Variants in NRG1 observed in about 807,000 individuals in gnomAD.
NRG1 encodes the protein neuregulin 1.
Under a neutral mutation model 63.8 loss-of-function variants are expected in NRG1, and 18 were observed. The observed-to-expected ratio is 0.28, with a 90% CI of 0.19 to 0.42. The LOEUF (loss-of-function observed/expected upper bound fraction) is 0.42, where lower values mean the gene tolerates loss of function less well. Among genes scored for constraint, NRG1 ranks in the 10% least tolerant of loss-of-function variants. NRG1 has a pLI of 1.00. For missense variants in NRG1, 762 were observed against 814.7 expected (o/e 0.94, Z 0.79); for synonymous variants, 302 against 301.3 (o/e 1.00, Z -0.02).
At chr8:31,799,690 A>G (rs1335634389) in intron 1 of NRG1, among the ~76,000 whole-genome samples, 1 of 151,904 alleles carries the variant, frequency 6.6e-6, no homozygotes, top group Non-Finnish European at 1.5e-5. Flanking sequence ...TCTATTAGCC[A>G]TTTCTATTTT....
chr8:32,503,488 A>T (rs1196746488), intron 1 of NRG1, among the ~76,000 whole-genome samples: 1 of 152,162 alleles, frequency 6.6e-6, no homozygotes, highest in African/African-American at 2.4e-5. Flanking sequence ...ACTATAAAAC[A>T]GTTATTGTTG....
intron 1 of NRG1, among the ~76,000 whole-genome samples, chr8:32,358,807 A>G (rs1307910048): frequency 6.6e-6 from 1 of 152,192 alleles, no homozygotes; most frequent in Non-Finnish European, 1.5e-5. Context: ...GGAGAGGGCC[A>G]AAGACAGAAC....
At chr8:32,748,541 C>T in intron 7 of NRG1, 1 of 231,114 alleles carries the variant, frequency 4.3e-6, no homozygotes, top group Non-Finnish European at 8.8e-6. Context: ...AATGGAGCCT[C>T]TGCAGGTTCT....
chr8:32,397,947 A>G (rs921562517), intron 1 of NRG1, among the ~76,000 whole-genome samples: 6 of 152,190 alleles, frequency 3.9e-5, no homozygotes, highest in African/African-American at 1.4e-4. Context: ...TCCAAACTGC[A>G]CACTTATTGT....
chr8:31,639,995 G>C lies in NRG1; in HGVS notation c.37+564G>C, dbSNP rs367543150. The C allele has an allele frequency of 4.5e-4, 504 of 1,124,842 alleles. No homozygotes were observed. In the Middle Eastern group the frequency reaches 4.7e-3, roughly 11 times the overall value. 69.7% of individuals were successfully genotyped at this position (1,124,842 alleles called of 1,614,324 possible). On this transcript the variant is annotated intron_variant, in intron 1 of 10. Transcript: ENST00000519301. ...CACGCACCTCGCACCATGAGATGGC[G>C]ACGCGCCCCGCGCCGCTCCGGGCGT...
chr8:31,661,095 A>G (rs1007865439), intron 1 of NRG1, among the ~76,000 whole-genome samples: 1 of 152,196 alleles, frequency 6.6e-6, no homozygotes, highest in Non-Finnish European at 1.5e-5. Context: ...TTTATATAAT[A>G]TGGTCTTTTT....
At chr8:32,176,219 A>C (rs1002111949) in intron 1 of NRG1, among the ~76,000 whole-genome samples, 4 of 152,168 alleles carry the variant, frequency 2.6e-5, no homozygotes, top group African/African-American at 7.2e-5. Context: ...GAAAAACAAG[A>C]AATGGGGAAA....
At chr8:32,117,766 C>T (rs1832925407) in intron 1 of NRG1, among the ~76,000 whole-genome samples, 1 of 152,038 alleles carries the variant, frequency 6.6e-6, no homozygotes, top group Non-Finnish European at 1.5e-5. Context: ...ATAATCTTAA[C>T]CTGGTTCTTT....
At chr8:32,294,301 A>C (rs1282694314) in intron 1 of NRG1, among the ~76,000 whole-genome samples, 3 of 151,978 alleles carry the variant, frequency 2.0e-5, no homozygotes, top group Non-Finnish European at 4.4e-5. Context: ...CTAGTAATTA[A>C]GATTTTAAGC....
intron 1 of NRG1, among the ~76,000 whole-genome samples, chr8:32,012,940 T>C (rs893359824): frequency 1.3e-5 from 2 of 152,050 alleles, no homozygotes; most frequent in Non-Finnish European, 2.9e-5. Flanking sequence ...GCATCCACCA[T>C]GGAGAGAAGT....
chr8:31,878,002 A>G (rs969980147), intron 1 of NRG1, among the ~76,000 whole-genome samples: 3 of 152,212 alleles, frequency 2.0e-5, no homozygotes, highest in African/African-American at 7.2e-5. Flanking sequence ...ACTTGTATAA[A>G]TTGACAAAAC....
intron 1 of NRG1, among the ~76,000 whole-genome samples, chr8:32,234,772 C>T (rs2129469272): frequency 6.6e-6 from 1 of 152,084 alleles, no homozygotes; most frequent in Non-Finnish European, 1.5e-5. Flanking sequence ...GGTTTTTGTT[C>T]CCAGAGTCAT....
intron 1 of NRG1, among the ~76,000 whole-genome samples, chr8:31,855,962 G>A (rs528131579): frequency 1.3e-5 from 2 of 151,782 alleles, no homozygotes; most frequent in African/African-American, 4.8e-5. Flanking sequence ...CTGGCTTGTA[G>A]AGTTTCTGCC....
chr8:32,201,010 G>T (rs1843448777), intron 1 of NRG1, among the ~76,000 whole-genome samples: 1 of 152,122 alleles, frequency 6.6e-6, no homozygotes, highest in African/African-American at 2.4e-5. Context: ...AAACTTCTGG[G>T]GAAACGGCTT....
At chr8:32,483,705 A>G (rs1825570871) in intron 1 of NRG1, among the ~76,000 whole-genome samples, 1 of 152,140 alleles carries the variant, frequency 6.6e-6, no homozygotes, top group Admixed American at 6.5e-5. Context: ...CAATTTCCTT[A>G]CACTACTGAG....
intron 6 of NRG1, chr8:32,728,671 T>C (rs547371935): frequency 2.0e-6 from 2 of 984,138 alleles, no homozygotes; most frequent in Non-Finnish European, 2.4e-6. Context: ...GTATGTAGCA[T>C]CCCTGTGGGT....
At chr8:32,524,062 G>A (rs1029538953) in intron 1 of NRG1, among the ~76,000 whole-genome samples, 2 of 152,074 alleles carry the variant, frequency 1.3e-5, no homozygotes, top group African/African-American at 4.8e-5. Flanking sequence ...TGAGGCAGGA[G>A]GATTGTTTGA....
At chr8:32,615,355 G>T (rs2129541643) in intron 4 of NRG1, among the ~76,000 whole-genome samples, 1 of 152,090 alleles carries the variant, frequency 6.6e-6, no homozygotes, top group Admixed American at 6.6e-5. Flanking sequence ...CATCTCAGAG[G>T]TACAATGGTA....
chr8:31,947,306 C>CAAAAAAAAAAAA lies in NRG1; in HGVS notation c.37+307890_37+307901dup, dbSNP rs61713691. Among the ~76,000 whole-genome samples the CAAAAAAAAAAAA allele has an allele frequency of 4.4e-3, 584 of 132,558 alleles. 20 individuals carry two copies. The highest frequency in any genetic ancestry group is 0.018 in the African/African-American group (554 of 31,018). The allele number at this position is 132,558 out of a possible 152,430, so 87.0% of individuals were successfully genotyped here. ...TGGGCGACAGAGTGAGACTCCGTCT[C>CAAAAAAAAAAAA]AAAAAAAAAAAAAAAAAAAAAAAAA... On this transcript the variant is annotated intron_variant, in intron 1 of 10. Transcript: ENST00000519301.
Sources: allele counts gnomAD v4.1 joint callset (sites outside exome capture counted in the v4.1 genomes callset), GRCh38; gene constraint gnomAD v4.1.1; transcripts MANE v1.5; gene names NCBI Gene and HGNC (gene_info 2026-07-23, HGNC 2026-07-21).